The following DPYD variants were observed in gnomAD, a reference collection of about 807,000 sequenced individuals.
DPYD encodes the protein dihydropyrimidine dehydrogenase, also known as dihydropyrimidine dehydrogenase [NADP(+)].
In DPYD, 109 loss-of-function variants were observed where a neutral mutation model predicts 116.2. The observed-to-expected ratio is 0.94, with a 90% confidence interval of 0.80 to 1.10. The LOEUF is 1.10. DPYD is among the 50% of genes least tolerant of loss of function. The probability of loss-of-function intolerance (pLI) is 0.00; values close to 1 mark genes in which losing one functional copy is unlikely to be tolerated. For missense variants in DPYD, 1,302 were observed against 1,254.5 expected, an observed-to-expected ratio of 1.04 and a Z score of -0.57; for synonymous variants, 440 against 432.0, an observed-to-expected ratio of 1.02 and a Z score of -0.23.
chr1:97,660,456 C>T (rs1048765000), intron 8 of DPYD, among the ~76,000 whole-genome samples: 1 of 152,118 alleles, frequency 6.6e-6, no homozygotes, highest in Non-Finnish European at 1.5e-5. Flanking sequence ...TGCTTCCTTC[C>T]ACCCCATAAA....
intron 12 of DPYD, among the ~76,000 whole-genome samples, chr1:97,526,052 T>C (rs1482136619): frequency 6.7e-6 from 1 of 150,020 alleles, no homozygotes; most frequent in Non-Finnish European, 1.5e-5. Context: ...ACACAAAGAT[T>C]CACCAACATC....
intron 8 of DPYD, among the ~76,000 whole-genome samples, chr1:97,600,239 G>GT (rs1655166343): frequency 6.6e-6 from 1 of 152,098 alleles, no homozygotes; most frequent in South Asian, 2.1e-4. Context: ...GGCAAATACC[G>GT]TAAGTTTTTC....
chr1:97,257,767 A>T (rs1663599771), intron 18 of DPYD, among the ~76,000 whole-genome samples: 1 of 152,144 alleles, frequency 6.6e-6, no homozygotes, highest in South Asian at 2.1e-4. Context: ...GCTATGAAGC[A>T]GCTATTATGT....
intron 13 of DPYD, chr1:97,514,143 T>C (rs1034992229): frequency 1.1e-5 from 10 of 934,518 alleles, no homozygotes; most frequent in Non-Finnish European, 1.3e-5. Context: ...TAGATTAAAT[T>C]CAAATTGGAG....
chr1:97,604,956 C>T (rs1369195140), intron 8 of DPYD, among the ~76,000 whole-genome samples: 1 of 152,054 alleles, frequency 6.6e-6, no homozygotes, highest in East Asian at 1.9e-4. Flanking sequence ...TCACACTTTT[C>T]ATGACATTCT....
intron 3 of DPYD, among the ~76,000 whole-genome samples, chr1:97,787,694 G>A (rs183729523): frequency 1.3e-4 from 20 of 152,200 alleles, no homozygotes; most frequent in African/African-American, 3.4e-4. Flanking sequence ...CAGAAGTTCC[G>A]TCGAACAAGG....
At chr1:97,447,202 A>G (rs1293789660) in intron 14 of DPYD, among the ~76,000 whole-genome samples, 1 of 152,258 alleles carries the variant, frequency 6.6e-6, no homozygotes, top group Non-Finnish European at 1.5e-5. Flanking sequence ...CAGAAAAGTT[A>G]GCTTTTGCTT....
chr1:97,170,435 C>T (rs376622838), intron 20 of DPYD, among the ~76,000 whole-genome samples: 56 of 152,210 alleles, frequency 3.7e-4, no homozygotes, highest in African/African-American at 8.9e-4. Context: ...GAAATTGACA[C>T]GACTGAAGAG....
chr1:97,136,825 T>A (rs1653841511), intron 20 of DPYD, among the ~76,000 whole-genome samples: 1 of 152,120 alleles, frequency 6.6e-6, no homozygotes, highest in African/African-American at 2.4e-5. Context: ...TGAGCCAAAA[T>A]CAGCTAGATC....
chr1:97,469,052 C>T (rs185106402), intron 13 of DPYD, among the ~76,000 whole-genome samples: 1 of 152,174 alleles, frequency 6.6e-6, no homozygotes, highest in East Asian at 1.9e-4. Context: ...CTCTGTGATC[C>T]TAATGGCCCT....
chr1:97,133,998 CAA>C lies in DPYD; in HGVS notation c.2623-35368_2623-35367del, dbSNP rs1208967697. On this transcript the variant is annotated intron_variant, in intron 20 of 22. Coordinates refer to ENST00000370192, the MANE Select transcript of DPYD (RefSeq NM_000110.4). ...TGGGTCACAGAGCCAGACTCTGTTT[CAA>C]AAAAAAAAAAAAAAATATATATATA... 9.7e-3 allele frequency among the ~76,000 whole-genome samples: 167 copies of C among 17,184 alleles called. 1 individual carries two copies. Among genetic ancestry groups the C allele is most frequent in the African/African-American group, 0.021 (65 of 3,070 alleles). The allele number at this position is 17,184 out of a possible 152,430, so 11.3% of individuals were successfully genotyped here.
intron 18 of DPYD, among the ~76,000 whole-genome samples, chr1:97,287,833 A>G (rs1665822860): frequency 1.3e-5 from 2 of 151,784 alleles, no homozygotes. Context: ...GCCATCTGTC[A>G]CCCCTTTCTT....
chr1:97,596,868 T>C (rs1349354621), intron 8 of DPYD, among the ~76,000 whole-genome samples: 1 of 152,222 alleles, frequency 6.6e-6, no homozygotes, highest in Non-Finnish European at 1.5e-5. Flanking sequence ...AAAAGAACTT[T>C]TGCTTTCAAA....
chr1:97,448,980 T>A (rs1173385672), intron 14 of DPYD, among the ~76,000 whole-genome samples: 1 of 152,106 alleles, frequency 6.6e-6, no homozygotes. Context: ...TCAAGTTTAT[T>A]TTATTTCTAT....
intron 13 of DPYD, among the ~76,000 whole-genome samples, chr1:97,461,167 T>C (rs1211504087): frequency 6.6e-6 from 1 of 152,184 alleles, no homozygotes; most frequent in Non-Finnish European, 1.5e-5. Flanking sequence ...TTCACCCTTC[T>C]ATTGCTTGTG....
chr1:97,087,884 C>T (rs1273957928), intron 21 of DPYD, among the ~76,000 whole-genome samples: 1 of 152,122 alleles, frequency 6.6e-6, no homozygotes, highest in East Asian at 1.9e-4. Context: ...TAACAGTGTA[C>T]CACCTGCTCT....
chr1:97,565,488 C>T (rs1052633974), intron 11 of DPYD, among the ~76,000 whole-genome samples: 2 of 152,150 alleles, frequency 1.3e-5, no homozygotes, highest in African/African-American at 4.8e-5. Flanking sequence ...CTTATCCCTA[C>T]CTGCTCCCTA....
chr1:97,478,581 C>A (rs1453198959), intron 13 of DPYD, among the ~76,000 whole-genome samples: 1 of 152,194 alleles, frequency 6.6e-6, no homozygotes, highest in African/African-American at 2.4e-5. Context: ...CCACCACGCT[C>A]AGCCAATTTA....
At chr1:97,821,482 C>G (rs1188927870) in intron 3 of DPYD, among the ~76,000 whole-genome samples, 1 of 151,948 alleles carries the variant, frequency 6.6e-6, no homozygotes, top group Non-Finnish European at 1.5e-5. Flanking sequence ...GTTGAATCAA[C>G]CAAGATAAAG....
Sources: gnomAD v4.1 joint callset for allele counts (sites outside exome capture counted in the v4.1 genomes callset) on GRCh38, gnomAD v4.1.1 for gene constraint, MANE v1.5 for transcripts, NCBI Gene and HGNC (gene_info 2026-07-23, HGNC 2026-07-21) for gene names.